KALRN: variants seen among roughly 807,000 people sequenced by gnomAD.
KALRN encodes the protein kalirin RhoGEF kinase.
In KALRN, 70 loss-of-function variants were observed where a neutral mutation model predicts 353.7. The ratio of observed to expected loss-of-function variants is 0.20; its 90% CI spans 0.16 to 0.24. KALRN has a LOEUF of 0.24. Among genes scored for constraint, KALRN ranks in the 10% least tolerant of loss-of-function variants. The pLI, the probability that KALRN is intolerant of heterozygous loss-of-function variation, is 1.00. For missense variants in KALRN, 2,791 were observed against 3,756.7 expected (o/e 0.74, Z 6.72); for synonymous variants, 1,391 against 1,434.8 (o/e 0.97, Z 0.69).
At chr3:124,560,409 T>C (rs2071829244) in intron 33 of KALRN, among the ~76,000 whole-genome samples, 1 of 152,330 alleles carries the variant, frequency 6.6e-6, no homozygotes, top group South Asian at 2.1e-4. Flanking sequence ...TTAGAAAGAA[T>C]TTCAGTCATC....
At position 124,723,738 on chromosome 3, in the gene KALRN, T is replaced by C. The variant is rs1283770263; in HGVS notation, c.*4268T>C. 2.0e-5 allele frequency: 3 copies of C among 152,180 alleles called. No homozygotes were observed. The highest frequency in any genetic ancestry group is 1.9e-4 in the East Asian group (1 of 5,200). The allele number at this position is 152,180 out of a possible 1,614,324, so 9.4% of individuals were successfully genotyped here. A position where few individuals can be genotyped will look rare whatever the true frequency, so the allele number is the denominator to read the frequency against. On this transcript the variant is annotated 3_prime_UTR_variant, in exon 60 of 60. Coordinates refer to ENST00000682506, the MANE Select transcript of KALRN (RefSeq NM_001388419.1). Reference sequence around the variant, plus strand: ...TTAGGAGAGCTGATGAAGTCTTATGTCCATAAGTTGTTTTCTCCAGTATTT... The same window carrying C: ...TTAGGAGAGCTGATGAAGTCTTATGCCCATAAGTTGTTTTCTCCAGTATTT...
rs1277816274 is a variant in KALRN at position 124,657,472 on chromosome 3, A to G, written c.5887A>G (p.Lys1963Glu). ...VEGFMKRIEE[K>E]GVPEDMRGKD... ...GGGCTTCATGAAGAGAATAGAAGAA[A>G]AGGGTGTCCCTGAGGATATGCGAGG... The change falls in exon 40 of 60, where the codon AAG (lysine) becomes GAG (glutamate). Residue 1963 changes from lysine (K) to glutamate (E), a missense_variant. Lys to Glu is a moderately conservative substitution (Grantham distance 56). Around this residue, in one of 11 missense-constraint regions of KALRN, gnomAD observed 1,065 missense variants for 1,156.4 expected, o/e 0.92. Coordinates refer to ENST00000682506, the MANE Select transcript of KALRN (RefSeq NM_001388419.1). The G allele has an allele frequency of 6.2e-7, 1 of 1,613,922 alleles. No individual in the cohort carries two copies. The highest frequency in any genetic ancestry group is 8.5e-7 in the Non-Finnish European group (1 of 1,179,802).
chr3:124,074,031 A>G (rs1400004238), intron 1 of KALRN, among the ~76,000 whole-genome samples: 1 of 152,006 alleles, frequency 6.6e-6, no homozygotes, highest in Non-Finnish European at 1.5e-5. Context: ...TAGAGCAAAG[A>G]AAGTGTTGCA....
intron 5 of KALRN, among the ~76,000 whole-genome samples, chr3:124,284,804 A>G (rs771929341): frequency 3.9e-4 from 59 of 152,218 alleles, no homozygotes; most frequent in African/African-American, 6.8e-4. Context: ...AAGGAAATGT[A>G]TTATTTCACA....
At chr3:124,521,638 A>AGAG (rs2067170589) in intron 33 of KALRN, among the ~76,000 whole-genome samples, 1 of 152,078 alleles carries the variant, frequency 6.6e-6, no homozygotes, top group Non-Finnish European at 1.5e-5. Context: ...AAAAAAACAG[A>AGAG]GAGTATTTTG....
At chr3:124,496,284 C>T in intron 32 of KALRN, 27 bp from the exon 33 acceptor site, 1 of 1,578,644 alleles carries the variant, frequency 6.3e-7, no homozygotes, top group Non-Finnish European at 8.7e-7. Context: ...CACCCCCACC[C>T]CTGTTTTTTT....
chr3:124,697,372 A>T (rs2062103722), intron 54 of KALRN, among the ~76,000 whole-genome samples: 1 of 152,200 alleles, frequency 6.6e-6, no homozygotes, highest in Admixed American at 6.5e-5. Flanking sequence ...GCCAAGCTTT[A>T]TCTTCAGGGT....
Position 124,563,066 on chromosome 3 carries a change from A to G in KALRN, c.5159A>G (p.Asp1720Gly), listed in dbSNP as rs781624752. The G allele has an allele frequency of 3.7e-6, 5 of 1,367,598 alleles. No individual in the cohort carries two copies. The highest frequency in any genetic ancestry group is 4.9e-6 in the Non-Finnish European group (5 of 1,021,992). The allele number at this position is 1,367,598 out of a possible 1,614,324, so 84.7% of individuals were successfully genotyped here. A position where few individuals can be genotyped will look rare whatever the true frequency, so the allele number is the denominator to read the frequency against. ...ISHSRSSVEM[D>G]CFFPLVKDAY... ...CACTCCCGAAGCAGCGTGGAGATGG[A>G]CTGCTTCTTCCCCTTGGTGAAAGGT... Residue 1720 changes from aspartate (D) to glycine (G), a missense_variant, in exon 34 of 60, where the codon GAC (aspartate) becomes GGC (glycine). By Grantham distance (94) the Asp-to-Gly change is moderately conservative. Coordinates refer to ENST00000682506, the MANE Select transcript of KALRN (RefSeq NM_001388419.1).
chr3:124,707,868 A>G (rs982948880), intron 57 of KALRN, among the ~76,000 whole-genome samples: 1 of 152,224 alleles, frequency 6.6e-6, no homozygotes, highest in African/African-American at 2.4e-5. Flanking sequence ...TCCTAATTCT[A>G]TATGAAATGA....
intron 13 of KALRN, among the ~76,000 whole-genome samples, chr3:124,410,477 CT>C (rs1181824362): frequency 6.6e-6 from 1 of 152,170 alleles, no homozygotes; most frequent in Non-Finnish European, 1.5e-5. Flanking sequence ...ATATTTAGAA[CT>C]TTTACAAATC....
chr3:124,280,874 A>G (rs560457287), intron 5 of KALRN, among the ~76,000 whole-genome samples: 2 of 152,270 alleles, frequency 1.3e-5, no homozygotes, highest in South Asian at 2.1e-4. Flanking sequence ...ACTCAAGGGT[A>G]TCTACTGTTC....
chr3:124,383,746 G>T (rs1014401322), intron 10 of KALRN, among the ~76,000 whole-genome samples: 1 of 152,106 alleles, frequency 6.6e-6, no homozygotes, highest in Non-Finnish European at 1.5e-5. Context: ...GAATTTGAGT[G>T]GGGGGCACAG....
chr3:124,394,438 A>G (rs12496325), intron 11 of KALRN, among the ~76,000 whole-genome samples: 17,772 of 152,264 alleles, frequency 0.12, 1,286 homozygotes, highest in Non-Finnish European at 0.17. Flanking sequence ...ATTCAGTTTT[A>G]ACTCCTCATC....
intron 13 of KALRN, among the ~76,000 whole-genome samples, chr3:124,403,045 GA>G (rs2091066650): frequency 6.6e-6 from 1 of 152,190 alleles, no homozygotes; most frequent in Non-Finnish European, 1.5e-5. Flanking sequence ...CTGGACACAT[GA>G]AAAAAAGCAA....
At chr3:124,397,286 G>T (rs1046112460) in intron 12 of KALRN, among the ~76,000 whole-genome samples, 3 of 152,290 alleles carry the variant, frequency 2.0e-5, no homozygotes, top group Non-Finnish European at 4.4e-5. Flanking sequence ...AGTAGAAATT[G>T]TGCCTGTATC....
At chr3:124,509,975 A>G (rs2065703316) in intron 33 of KALRN, among the ~76,000 whole-genome samples, 1 of 152,232 alleles carries the variant, frequency 6.6e-6, no homozygotes, top group Non-Finnish European at 1.5e-5. Flanking sequence ...AAGGGAGGAT[A>G]CAGAAAAGCT....
rs142210851 is a variant in KALRN, at chr3:124,342,872, G to A, written c.1648-4271G>A. ...ATCTTAAGGAAAAAAAATATGTTAT[G>A]TCTGTGCTACCCCTTATAACTCATT... On this transcript the variant is annotated intron_variant, in intron 9 of 59. Transcript: ENST00000682506. Among the ~76,000 whole-genome samples, 183 of 152,276 alleles carry A rather than the reference G, an allele frequency of 1.2e-3. 1 individual carries two copies. The highest frequency in any genetic ancestry group is 4.3e-3 in the African/African-American group (177 of 41,546).
At chr3:124,401,850 G>A (rs919292060) in intron 13 of KALRN, among the ~76,000 whole-genome samples, 1 of 152,162 alleles carries the variant, frequency 6.6e-6, no homozygotes. Flanking sequence ...ATTTTTGAGG[G>A]TGTTGAGATT....
At chr3:124,215,551 T>G (rs2077251584) in intron 1 of KALRN, among the ~76,000 whole-genome samples, 1 of 152,216 alleles carries the variant, frequency 6.6e-6, no homozygotes, top group Non-Finnish European at 1.5e-5. Context: ...TAGTATCAGC[T>G]AGGTGTCTGG....
Sources: gnomAD v4.1 joint callset for allele counts (sites outside exome capture counted in the v4.1 genomes callset) on GRCh38, gnomAD v4.1.1 for gene constraint, gnomAD v4.1.1 regional missense constraint, MANE v1.5 for transcripts, NCBI Gene and HGNC (gene_info 2026-07-23, HGNC 2026-07-21) for gene names.